Variants in TF observed in about 807,000 individuals in gnomAD.
TF encodes the protein transferrin.
In TF, 55 loss-of-function variants were observed where a neutral mutation model predicts 82.4. The observed-to-expected ratio is 0.67, with a 90% CI of 0.54 to 0.84. The LOEUF is 0.84. TF is among the 40% of genes least tolerant of loss of function. The pLI is 0.00. For missense variants in TF, 737 were observed against 868.4 expected, an observed-to-expected ratio of 0.85 and a Z score of 1.90; for synonymous variants, 332 against 332.6, an observed-to-expected ratio of 1.00 and a Z score of 0.02.
Position 133,768,190 on chromosome 3 carries a change from T to C in TF, c.1622+26T>C, listed in dbSNP as rs41295808. The C allele has an allele frequency of 1.1e-3, 1,736 of 1,613,786 alleles. 1 individual carries two copies. The highest frequency in any genetic ancestry group is 1.4e-3 in the Non-Finnish European group (1,623 of 1,179,880). ...GTGAGTCTTTTAACCCTGAAACAAA[T>C]AGAATAATATACAAGCCCTGGCCAG... is the stretch of plus-strand genomic sequence containing the variant. On this transcript the variant is annotated intron_variant, in intron 13 of 16. Coordinates refer to ENST00000402696, the MANE Select transcript of TF (RefSeq NM_001063.4).
At chr3:133,724,797 T>C in the TF span, among the ~76,000 whole-genome samples, 12 of 152,372 alleles carry the variant, frequency 7.9e-5, no homozygotes, top group East Asian at 2.3e-3. Flanking sequence ...AGGTCTAACA[T>C]GTAAGTCTTT....
At chr3:133,762,638 G>C (rs1359886129) in intron 9 of TF, among the ~76,000 whole-genome samples, 1 of 152,128 alleles carries the variant, frequency 6.6e-6, no homozygotes, top group Non-Finnish European at 1.5e-5. Flanking sequence ...TTGAGGATAA[G>C]AGGGGACTAC....
the TF span, among the ~76,000 whole-genome samples, chr3:133,682,469 T>C: frequency 1.3e-5 from 2 of 152,166 alleles, no homozygotes; most frequent in Non-Finnish European, 2.9e-5. Context: ...GAAAAAAGGT[T>C]AGATGAATGG....
At chr3:133,697,976 G>A in the TF span, among the ~76,000 whole-genome samples, 1 of 152,126 alleles carries the variant, frequency 6.6e-6, no homozygotes, top group East Asian at 1.9e-4. Context: ...GGCAAGATTA[G>A]GCAGCATATA....
At position 133,784,363 on chromosome 3, in the gene TF, C is replaced by G. The variant is rs1325298146; in HGVS notation, c.*5743C>G. On this transcript the variant is annotated 3_prime_UTR_variant, in exon 17 of 17. Coordinates refer to ENST00000402696, the MANE Select transcript of TF (RefSeq NM_001063.4). ...AGCTGCTCTCAACTTCCCCCCCAGC[C>G]TTTTAAAAGAAAACATTTGCTACAT... The G allele has an allele frequency of 1.3e-5, 2 of 151,806 alleles. No individual in the cohort carries two copies. The highest frequency in any genetic ancestry group is 4.8e-5 in the African/African-American group (2 of 41,306). 9.4% of individuals were successfully genotyped at this position (151,806 alleles called of 1,614,324 possible).
intron 5 of TF, 82 bp from the exon 6 acceptor site, chr3:133,756,200 C>G (rs1167803195): frequency 1.4e-6 from 2 of 1,393,490 alleles, no homozygotes; most frequent in Non-Finnish European, 2.0e-6. Flanking sequence ...AGTGTGAGTG[C>G]TGGACAGTGT....
chr3:133,669,009 T>A, the TF span, among the ~76,000 whole-genome samples: 3 of 151,664 alleles, frequency 2.0e-5, no homozygotes, highest in Non-Finnish European at 4.4e-5. Flanking sequence ...TCTTTTTTCT[T>A]TTTTTTTCTG....
the TF span, among the ~76,000 whole-genome samples, chr3:133,738,954 A>C: frequency 6.6e-6 from 1 of 152,186 alleles, no homozygotes; most frequent in Non-Finnish European, 1.5e-5. Context: ...ACAGAATTGG[A>C]AAAAACTACT....
chr3:133,695,583 A>G, the TF span, among the ~76,000 whole-genome samples: 1 of 152,212 alleles, frequency 6.6e-6, no homozygotes. Flanking sequence ...TTAATTTGTT[A>G]TAAGACCCAG....
At position 133,770,489 on chromosome 3, in the gene TF, C is replaced by T; in HGVS notation, c.1623-19C>T. On this transcript the variant is annotated intron_variant, in intron 13 of 16. Coordinates refer to ENST00000402696, the MANE Select transcript of TF (RefSeq NM_001063.4). ...TCTGACCGCCTTTTTTTTTCTCTCC[C>T]ACTTCTGGACCTCTGCAGGTGTCTG... is the stretch of plus-strand genomic sequence containing the variant. 2 of 1,613,780 alleles carry T rather than the reference C, an allele frequency of 1.2e-6. No homozygotes were observed. Among genetic ancestry groups the T allele is most frequent in the Non-Finnish European group, 1.7e-6 (2 of 1,179,822 alleles).
At chr3:133,772,961 G>A (rs942867822) in intron 14 of TF, 1 of 151,996 alleles carries the variant, frequency 6.6e-6, no homozygotes, top group African/African-American at 2.4e-5. Context: ...TTTAGATTGA[G>A]GGTACATATG....
chr3:133,684,380 C>CA, the TF span, among the ~76,000 whole-genome samples: 1 of 151,582 alleles, frequency 6.6e-6, no homozygotes, highest in Non-Finnish European at 1.5e-5. Flanking sequence ...GATAGAGACA[C>CA]AAAAAAACCC....
chr3:133,739,045 A>G, the TF span, among the ~76,000 whole-genome samples: 58,827 of 151,942 alleles, frequency 0.39, 12,001 homozygotes, highest in South Asian at 0.5. Context: ...GAGGCATCAC[A>G]CTACCTGACT....
chr3:133,753,213 C>T (rs933297917), intron 2 of TF, among the ~76,000 whole-genome samples: 2 of 152,204 alleles, frequency 1.3e-5, no homozygotes, highest in Non-Finnish European at 2.9e-5. Context: ...GCAGAGTCCC[C>T]TCCAGAGACT....
Position 133,768,143 on chromosome 3 carries a change from A to G in TF, c.1601A>G (p.Tyr534Cys). Residue 534 changes from tyrosine to cysteine, a missense_variant, in exon 13 of 17, where the codon TAC (tyrosine) becomes TGC (cysteine). Coordinates refer to ENST00000402696, the MANE Select transcript of TF (RefSeq NM_001063.4). ...LCEPNNKEGY[Y>C]GYTGAFRCLV... ...GAACCCAACAACAAAGAGGGATACT[A>G]CGGCTACACAGGCGCTTTCAGGTGA... 6.2e-7 allele frequency: 1 copy of G among 1,614,218 alleles called. No homozygotes were observed. Among genetic ancestry groups the G allele is most frequent in the Non-Finnish European group, 8.5e-7 (1 of 1,180,046 alleles).
chr3:133,718,335 G>C, the TF span, among the ~76,000 whole-genome samples: 1 of 152,168 alleles, frequency 6.6e-6, no homozygotes, highest in Admixed American at 6.5e-5. Context: ...AGGGTCCCTG[G>C]TGAGGACATG....
At position 133,754,229 on chromosome 3, in the gene TF, C is replaced by CTGA; in HGVS notation, c.326-266_326-265insTGA. 3 of 497,448 alleles carry CTGA rather than the reference C, an allele frequency of 6.0e-6. No individual in the cohort carries two copies. In the East Asian group the frequency reaches 1.2e-4, roughly 19 times the overall value. 30.8% of individuals were successfully genotyped at this position (497,448 alleles called of 1,614,324 possible). A position where few individuals can be genotyped will look rare whatever the true frequency, so the allele number is the denominator to read the frequency against. Reference sequence around the variant, plus strand: ...GGTGTAGGCAGACACGCTGCAGGGCCAGGGGAGGCAAAGCATTCAGGACAC... The same window carrying CTGA: ...GGTGTAGGCAGACACGCTGCAGGGCCTGAAGGGGAGGCAAAGCATTCAGGACAC... On this transcript the variant is annotated intron_variant, in intron 3 of 16. Coordinates refer to ENST00000402696, the MANE Select transcript of TF (RefSeq NM_001063.4).
At chr3:133,719,654 C>T in the TF span, among the ~76,000 whole-genome samples, 1 of 151,878 alleles carries the variant, frequency 6.6e-6, no homozygotes, top group Non-Finnish European at 1.5e-5. Flanking sequence ...ATGAAGAATG[C>T]TGTTGTTATT....
intron 2 of TF, among the ~76,000 whole-genome samples, chr3:133,749,161 A>AAAAT (rs1212890352): frequency 1.3e-5 from 2 of 152,166 alleles, no homozygotes; most frequent in South Asian, 2.1e-4. Context: ...GCTCCATCTC[A>AAAAT]AAATAAATAA....
Sources: allele counts gnomAD v4.1 joint callset (sites outside exome capture counted in the v4.1 genomes callset), GRCh38; gene constraint gnomAD v4.1.1; transcripts MANE v1.5; gene names NCBI Gene and HGNC (gene_info 2026-07-23, HGNC 2026-07-21).